PHYH: variants seen among roughly 807,000 people sequenced by gnomAD.
PHYH encodes the protein phytanoyl-CoA dioxygenase, peroxisomal.
In PHYH, 32 loss-of-function variants were observed where a neutral mutation model predicts 38.5. That is an observed-to-expected ratio of 0.83 (90% confidence interval 0.63 to 1.12). PHYH has a LOEUF of 1.12. PHYH is among the 50% of genes most tolerant of loss of function. The pLI, the probability that PHYH is intolerant of heterozygous loss-of-function variation, is 0.00. For missense variants in PHYH, 426 were observed against 434.8 expected (o/e 0.98, Z 0.18); for synonymous variants, 166 against 157.9 (o/e 1.05, Z -0.38).
intron 2 of PHYH, among the ~76,000 whole-genome samples, chr10:13,295,808 G>A (rs1224450140): frequency 6.7e-6 from 1 of 149,826 alleles, no homozygotes; most frequent in African/African-American, 2.5e-5. Context: ...CTCCAGCATG[G>A]GCGACAGAGT....
rs752554520 is a variant in PHYH, at chr10:13,291,963, A to G, written c.415-51T>C. On this transcript the variant is annotated intron_variant, in intron 4 of 8. Coordinates refer to ENST00000263038, the MANE Select transcript of PHYH (RefSeq NM_006214.4). Reference sequence around the variant, plus strand: ...ACAAACCTTGTGGGAAATCAGAAGTATTGACAACTGGTACAAAGTACAGTA... The same window carrying G: ...ACAAACCTTGTGGGAAATCAGAAGTGTTGACAACTGGTACAAAGTACAGTA... The G allele has an allele frequency of 1.2e-5, 15 of 1,259,468 alleles. No individual in the cohort carries two copies. The Admixed American group carries it at 1.7e-4, about 14-fold the overall frequency. 78.0% of individuals were successfully genotyped at this position (1,259,468 alleles called of 1,614,324 possible).
chr10:13,296,129 C>T (rs1382266766), intron 2 of PHYH, among the ~76,000 whole-genome samples: 1 of 152,014 alleles, frequency 6.6e-6, no homozygotes, highest in African/African-American at 2.4e-5. Context: ...GATCATGGCA[C>T]TGCACTCCAG....
chr10:13,299,855 CGCTGGG>C, intron 1 of PHYH, 107 bp downstream of exon 1: 3 of 1,343,346 alleles, frequency 2.2e-6, no homozygotes, highest in Non-Finnish European at 2.9e-6. Flanking sequence ...AGCGAGGAGG[CGCTGGG>C]GCTGCGAAGC....
intron 6 of PHYH, among the ~76,000 whole-genome samples, chr10:13,287,278 G>T (rs1835576143): frequency 6.6e-6 from 1 of 152,110 alleles, no homozygotes; most frequent in South Asian, 2.1e-4. Context: ...GGCAGAGGTT[G>T]CAGTGAGCCG....
At chr10:13,293,579 C>T (rs1033215347) in intron 4 of PHYH, among the ~76,000 whole-genome samples, 1 of 151,990 alleles carries the variant, frequency 6.6e-6, no homozygotes, top group Admixed American at 6.6e-5. Flanking sequence ...GGATTACAGG[C>T]ATGAGCCACC....
intron 5 of PHYH, among the ~76,000 whole-genome samples, chr10:13,289,289 A>C (rs11258309): frequency 6.6e-6 from 1 of 151,838 alleles, no homozygotes; most frequent in East Asian, 1.9e-4. Flanking sequence ...TCCGCCTCCC[A>C]GGTTCACGCC....
At chr10:13,291,453 C>T (rs1835708780) in intron 5 of PHYH, 2 of 232,080 alleles carry the variant, frequency 8.6e-6, no homozygotes, top group Non-Finnish European at 1.7e-5. Flanking sequence ...TACAGTTAGA[C>T]ATCAGCTATT....
At chr10:13,286,443 C>T (rs149098251) in intron 6 of PHYH, among the ~76,000 whole-genome samples, 17 of 152,200 alleles carry the variant, frequency 1.1e-4, no homozygotes, top group Non-Finnish European at 7.4e-5. Context: ...TGGCCAGGCG[C>T]GGTGAGCCCA....
At chr10:13,288,161 A>G (rs900063570) in intron 6 of PHYH, among the ~76,000 whole-genome samples, 199 bp downstream of exon 6, 1 of 152,204 alleles carries the variant, frequency 6.6e-6, no homozygotes, top group Non-Finnish European at 1.5e-5. Flanking sequence ...CAAACAAACA[A>G]AAAAAGTGTT....
intron 8 of PHYH, 86 bp from the exon 9 acceptor site, chr10:13,278,440 G>A (rs1835340791): frequency 1.1e-6 from 1 of 909,474 alleles, no homozygotes; most frequent in Admixed American, 1.7e-5. Context: ...ACACAAAATT[G>A]ATTTCTAGCT....
At position 13,279,523 on chromosome 10, in the gene PHYH, A is replaced by G. The variant is rs538413722; in HGVS notation, c.964-1169T>C. ...AATTTTCAGATTTGACCTGACTCTA[A>G]AATCAAGCTTTGTCGCTTAGCTAGC... is the stretch of plus-strand genomic sequence containing the variant. On this transcript the variant is annotated intron_variant, in intron 8 of 8. Coordinates refer to ENST00000263038, the MANE Select transcript of PHYH (RefSeq NM_006214.4). Among the ~76,000 whole-genome samples the G allele has an allele frequency of 1.2e-4, 18 of 152,306 alleles. No homozygotes were observed. In the South Asian group the frequency reaches 3.7e-3, roughly 32 times the overall value.
chr10:13,279,956 G>C (rs188274591), intron 8 of PHYH, among the ~76,000 whole-genome samples: 55 of 152,270 alleles, frequency 3.6e-4, no homozygotes, highest in African/African-American at 1.3e-3. Flanking sequence ...GTTCTAAAGG[G>C]AGAAGCAAGA....
chr10:13,294,257 T>C (rs1007647827), intron 4 of PHYH, among the ~76,000 whole-genome samples, 171 bp downstream of exon 4: 24 of 152,124 alleles, frequency 1.6e-4, no homozygotes, highest in African/African-American at 5.5e-4. Context: ...CTCCTTTCCA[T>C]ATCCAGCTCT....
chr10:13,278,326 A>G lies in PHYH; in HGVS notation c.992T>C (p.Val331Ala). 6.2e-7 allele frequency: 1 copy of G among 1,613,060 alleles called. No individual in the cohort carries two copies. Among genetic ancestry groups the G allele is most frequent in the Non-Finnish European group, 8.5e-7 (1 of 1,179,046 alleles). ...KDIWMFRARLVKGERTNL is the reference protein window; with the variant it reads ...KDIWMFRARLAKGERTNL The stretch of plus-strand genomic sequence containing the variant: ...TCAAAGATTGGTTCTTTCTCCTTTC[A>G]CAAGTCGAGCTCGAAACATCCAAAT... Residue 331 changes from valine (V) to alanine (A), a missense_variant, in exon 9 of 9, where the codon GTG becomes GCG. Coordinates refer to ENST00000263038, the MANE Select transcript of PHYH (RefSeq NM_006214.4).
intron 4 of PHYH, 102 bp downstream of exon 4, chr10:13,294,326 G>A: frequency 9.5e-7 from 1 of 1,050,748 alleles, no homozygotes; most frequent in Non-Finnish European, 1.5e-6. Flanking sequence ...ACAGTGCTCG[G>A]ATTACAGGAG....
At chr10:13,285,849 C>A (rs1220416698) in intron 6 of PHYH, among the ~76,000 whole-genome samples, 1 of 151,996 alleles carries the variant, frequency 6.6e-6, no homozygotes, top group Non-Finnish European at 1.5e-5. Context: ...AGTGATCCGC[C>A]CACCTCAGCC....
Position 13,288,517 on chromosome 10 carries a change from A to AG in PHYH, c.520dup (p.Leu174ProfsTer57). The AG allele has an allele frequency of 6.2e-7, 1 of 1,614,162 alleles. No homozygotes were observed. The highest frequency in any genetic ancestry group is 8.5e-7 in the Non-Finnish European group (1 of 1,180,022). The stretch of plus-strand genomic sequence containing the variant: ...GGGGAAATAGTGCAGGTCCTGGTGC[A>AG]GGGGGTGACGGGACGTCTTCTTGCC... On this transcript the variant is annotated frameshift_variant, in exon 6 of 9. Transcript: ENST00000263038. LOFTEE classifies it high-confidence loss of function.
chr10:13,293,283 CTTGTTTT>C (rs1282862984), intron 4 of PHYH, among the ~76,000 whole-genome samples: 7 of 152,100 alleles, frequency 4.6e-5, no homozygotes, highest in African/African-American at 7.2e-5. Context: ...AGTTAGCTCA[CTTGTTTT>C]TTGTTTTTTG....
chr10:13,292,405 G>A (rs987281696), intron 4 of PHYH, among the ~76,000 whole-genome samples: 5 of 152,260 alleles, frequency 3.3e-5, no homozygotes, highest in Admixed American at 1.3e-4. Context: ...ACCAGGAGGT[G>A]ACGGGAAATG....
Sources: allele counts gnomAD v4.1 joint callset (sites outside exome capture counted in the v4.1 genomes callset), GRCh38; gene constraint gnomAD v4.1.1; transcripts MANE v1.5; gene names NCBI Gene and HGNC (gene_info 2026-07-23, HGNC 2026-07-21).